The following IGF2R variants were observed in gnomAD, a reference collection of about 807,000 sequenced individuals.
IGF2R encodes the protein insulin like growth factor 2 receptor.
A neutral mutation model predicts 270.6 loss-of-function variants in IGF2R; 91 were observed. The observed-to-expected ratio is 0.34, with a 90% CI of 0.28 to 0.40. The LOEUF (loss-of-function observed/expected upper bound fraction) is 0.40, where lower values mean the gene tolerates loss of function less well. IGF2R is among the 10% of genes least tolerant of loss of function. The pLI is 1.00. For missense variants in IGF2R, 2,805 were observed against 3,188.3 expected (o/e 0.88, Z 2.90); for synonymous variants, 1,316 against 1,258.9 (o/e 1.05, Z -0.96).
At chr6:159,987,165 A>G (rs560133877) in intron 1 of IGF2R, among the ~76,000 whole-genome samples, 1 of 152,326 alleles carries the variant, frequency 6.6e-6, no homozygotes, top group Admixed American at 6.5e-5. Flanking sequence ...AGTTTCAAAC[A>G]TGTGATTTCT....
intron 22 of IGF2R, 67 bp from the exon 23 acceptor site, chr6:160,060,480 C>T (rs1389828623): frequency 1.3e-6 from 2 of 1,521,148 alleles, no homozygotes; most frequent in Admixed American, 3.5e-5. Flanking sequence ...TGTTGCTGCA[C>T]TGTGCTTGTG....
At chr6:160,068,452 G>A (rs1778640543) in intron 30 of IGF2R, 67 bp downstream of exon 30, 11 of 1,593,004 alleles carry the variant, frequency 6.9e-6, no homozygotes, top group Non-Finnish European at 6.0e-6. Context: ...ACTGGTGAGA[G>A]GGGGCCTCCT....
chr6:160,069,581 T>G (rs1359919656), intron 30 of IGF2R, among the ~76,000 whole-genome samples: 2 of 152,192 alleles, frequency 1.3e-5, no homozygotes, highest in Non-Finnish European at 2.9e-5. Context: ...ATAACCTTCA[T>G]CCTATATGGG....
intron 29 of IGF2R, among the ~76,000 whole-genome samples, chr6:160,066,164 G>A (rs111333005): frequency 0.037 from 5,687 of 151,802 alleles, 180 homozygotes; most frequent in East Asian, 0.097. Flanking sequence ...ACAGGCGCCC[G>A]CCACCACACC....
intron 2 of IGF2R, among the ~76,000 whole-genome samples, chr6:160,000,924 A>T (rs1784119841): frequency 6.6e-6 from 1 of 151,116 alleles, no homozygotes. Flanking sequence ...TTTAGTAGAG[A>T]TGGGGTTTCA....
At chr6:160,029,676 T>C (rs765462894) in intron 7 of IGF2R, 21 bp downstream of exon 7, 9 of 1,548,396 alleles carry the variant, frequency 5.8e-6, no homozygotes, top group Non-Finnish European at 7.1e-6. Flanking sequence ...CGTCTCCTGA[T>C]CACTAATGTG....
intron 1 of IGF2R, among the ~76,000 whole-genome samples, chr6:159,972,271 C>G (rs1012026650): frequency 6.6e-6 from 1 of 152,168 alleles, no homozygotes; most frequent in Admixed American, 6.5e-5. Context: ...CTACAAATGT[C>G]CCCGTTTGTT....
At position 160,085,975 on chromosome 6, in the gene IGF2R, G is replaced by T. The variant is rs117303505; in HGVS notation, c.6205+844G>T. On this transcript the variant is annotated intron_variant, in intron 41 of 47. Transcript: ENST00000356956. Reference sequence around the variant, plus strand: ...CTGCCACTCCCACACTGCCCCAGAAGGGGGAAGGAGGGAAGGTCGTGGAGG... The same window carrying T: ...CTGCCACTCCCACACTGCCCCAGAATGGGGAAGGAGGGAAGGTCGTGGAGG... Among the ~76,000 whole-genome samples, 130 of 152,366 alleles carry T rather than the reference G, an allele frequency of 8.5e-4. 2 individuals are homozygous for T. The East Asian group carries it at 0.024, about 28-fold the overall frequency.
In IGF2R at chr6:160,012,691, G is replaced by C. The variant is rs776048522; in HGVS notation, c.513+1906G>C. Among the ~76,000 whole-genome samples, 89 of 151,120 alleles carry C rather than the reference G, an allele frequency of 5.9e-4. 1 individual carries two copies. Among genetic ancestry groups the C allele is most frequent in the Non-Finnish European group, 6.6e-4 (45 of 67,866 alleles). On this transcript the variant is annotated intron_variant, in intron 4 of 47. Coordinates refer to ENST00000356956, the MANE Select transcript of IGF2R (RefSeq NM_000876.4). ...TTACAATTTGACACAAGATTTGAGT[G>C]GGGACACACAGTCATCCTGGGATTA...
chr6:159,991,292 C>A lies in IGF2R; in HGVS notation c.258C>A (p.His86Gln). ...QCGPSSAVCM[H>Q]DLKTRTYHSV... ...GGCCATCAAGTGCTGTTTGTATGCA[C>A]GACTTGAAGACACGCACTTATCATT... is the stretch of plus-strand genomic sequence containing the variant. Residue 86 changes from histidine to glutamine, a missense_variant, in exon 2 of 48, where the codon CAC (histidine) becomes CAA (glutamine). His to Gln is a conservative substitution (Grantham distance 24). This residue lies in a region of IGF2R where 954 missense variants were observed against 981.1 expected (regional missense o/e 0.97). Coordinates refer to ENST00000356956, the MANE Select transcript of IGF2R (RefSeq NM_000876.4). 2.5e-6 allele frequency: 4 copies of A among 1,613,320 alleles called. No homozygotes were observed. The highest frequency in any genetic ancestry group is 3.4e-6 in the Non-Finnish European group (4 of 1,179,648).
chr6:160,048,724 C>T (rs1778127199), intron 18 of IGF2R, among the ~76,000 whole-genome samples, 181 bp downstream of exon 18: 1 of 152,222 alleles, frequency 6.6e-6, no homozygotes, highest in African/African-American at 2.4e-5. Context: ...AAGTGTGTCA[C>T]ACAGGAATCA....
intron 1 of IGF2R, among the ~76,000 whole-genome samples, chr6:159,983,840 T>C (rs1279478295): frequency 6.6e-6 from 1 of 152,202 alleles, no homozygotes; most frequent in East Asian, 1.9e-4. Flanking sequence ...GCAAGGACAG[T>C]GCAGCCAGTG....
chr6:160,071,257 A>C (rs766497518), intron 31 of IGF2R, among the ~76,000 whole-genome samples: 4,197 of 92,844 alleles, frequency 0.045, 92 homozygotes, highest in East Asian at 0.2. Flanking sequence ...CCCTGTGCCC[A>C]GGGCCCAGGA....
intron 18 of IGF2R, among the ~76,000 whole-genome samples, chr6:160,049,751 AAG>A (rs1196893249): frequency 5.3e-5 from 8 of 152,206 alleles, no homozygotes; most frequent in East Asian, 1.9e-4. Flanking sequence ...CTGTAAAATA[AAG>A]AGAGTAGAAT....
chr6:160,075,455 CCT>C (rs1244894245), intron 35 of IGF2R, among the ~76,000 whole-genome samples: 2 of 152,170 alleles, frequency 1.3e-5, no homozygotes, highest in African/African-American at 4.8e-5. Context: ...CCGGCCTTCC[CCT>C]GTCAGGTGGT....
intron 45 of IGF2R, among the ~76,000 whole-genome samples, chr6:160,099,066 A>G (rs990887463): frequency 1.3e-5 from 2 of 152,224 alleles, no homozygotes; most frequent in Non-Finnish European, 2.9e-5. Flanking sequence ...ACAAAGCTAA[A>G]AGACAGGCAT....
At chr6:160,063,734 T>G in intron 27 of IGF2R, 104 bp downstream of exon 27, 2 of 799,776 alleles carry the variant, frequency 2.5e-6, no homozygotes, top group Non-Finnish European at 3.9e-6. Flanking sequence ...ACATGAGTGT[T>G]CTACTGTAAA....
In IGF2R at chr6:160,089,201, A is replaced by G. The variant is rs1215183203; in HGVS notation, c.6415A>G (p.Ile2139Val). ...GGAGGTGCAGATGGTGAATGGGACC[A>G]TCACCAACCCTATAAATGGCAAGAG... ...PQEVQMVNGTITNPINGKSFS... is the reference protein window; with the variant it reads ...PQEVQMVNGTVTNPINGKSFS... The change falls in exon 43 of 48, where the codon ATC becomes GTC. Residue 2139 changes from isoleucine to valine, a missense_variant. Ile to Val is a conservative substitution (Grantham distance 29). Coordinates refer to ENST00000356956, the MANE Select transcript of IGF2R (RefSeq NM_000876.4). 3.1e-6 allele frequency: 5 copies of G among 1,613,562 alleles called. No homozygotes were observed. The highest frequency in any genetic ancestry group is 1.3e-5 in the African/African-American group (1 of 75,050).
At chr6:160,063,039 GTTT>G (rs35789923) in intron 26 of IGF2R, among the ~76,000 whole-genome samples, 1 of 131,262 alleles carries the variant, frequency 7.6e-6, no homozygotes. Context: ...AATTGTAAAA[GTTT>G]TTTTTTTTTT....
Sources: allele counts gnomAD v4.1 joint callset (sites outside exome capture counted in the v4.1 genomes callset), GRCh38; gene constraint gnomAD v4.1.1; regional missense constraint gnomAD v4.1.1; transcripts MANE v1.5; gene names NCBI Gene and HGNC (gene_info 2026-07-23, HGNC 2026-07-21).